Variants in SLC35F4 observed in about 807,000 individuals in gnomAD.
The protein encoded by SLC35F4 is chromosome 14 open reading frame 36.
In SLC35F4, 24 loss-of-function variants were observed where a neutral mutation model predicts 44.2. The observed-to-expected ratio is 0.54, with a 90% CI of 0.39 to 0.76. The LOEUF is 0.76. Among genes scored for constraint, SLC35F4 ranks in the 30% least tolerant of loss-of-function variants. SLC35F4 has a pLI of 0.00. For missense variants in SLC35F4, 562 were observed against 586.1 expected, an observed-to-expected ratio of 0.96 and a Z score of 0.42; for synonymous variants, 238 against 223.6, an observed-to-expected ratio of 1.06 and a Z score of -0.57.
chr14:57,634,536 A>G (rs563706308), intron 1 of SLC35F4, among the ~76,000 whole-genome samples: 165 of 152,214 alleles, frequency 1.1e-3, no homozygotes, highest in Non-Finnish European at 1.7e-3. Context: ...CAGCAGCACC[A>G]TTCATTGGAA....
At chr14:57,699,594 T>C (rs2075480036) in intron 1 of SLC35F4, among the ~76,000 whole-genome samples, 3 of 152,162 alleles carry the variant, frequency 2.0e-5, no homozygotes, top group Admixed American at 2.0e-4. Context: ...TTCCATAGGA[T>C]AAATTTAATC....
rs538194059 is a variant in SLC35F4 at position 57,700,470 on chromosome 14, C to T, written c.104-106346G>A. Among the ~76,000 whole-genome samples the T allele has an allele frequency of 2.9e-3, 434 of 152,238 alleles. 1 individual carries two copies. Among genetic ancestry groups the T allele is most frequent in the African/African-American group, 9.8e-3 (406 of 41,552 alleles). ...TTATAAACACTGTACATTTAAGCTACTCTACATTTATATTTTAAAAATTCT... is the reference window on the plus strand; with the variant it reads ...TTATAAACACTGTACATTTAAGCTATTCTACATTTATATTTTAAAAATTCT... On this transcript the variant is annotated intron_variant, in intron 1 of 7. Transcript: ENST00000556826.
At chr14:57,960,649 G>A (rs894405824) in intron 1 of SLC35F4, among the ~76,000 whole-genome samples, 2 of 152,150 alleles carry the variant, frequency 1.3e-5, no homozygotes, top group Admixed American at 6.6e-5. Context: ...TCTGGCAGGG[G>A]AAGTAACTTT....
intron 1 of SLC35F4, among the ~76,000 whole-genome samples, chr14:57,646,676 T>C (rs889189508): frequency 6.6e-6 from 1 of 152,220 alleles, no homozygotes; most frequent in African/African-American, 2.4e-5. Flanking sequence ...TTTGAATGTG[T>C]TTGCTCTTGC....
rs148593829 is a variant in SLC35F4 at position 57,710,400 on chromosome 14, C to T, written c.104-116276G>A. Among the ~76,000 whole-genome samples, 419 of 152,092 alleles carry T rather than the reference C, an allele frequency of 2.8e-3. 4 individuals are homozygous for T. Among genetic ancestry groups the T allele is most frequent in the African/African-American group, 9.1e-3 (378 of 41,490 alleles). ...GGGTGGAGCCATCATGGAGAACTTCCGCTAGGGCAGTGCAGAAGAGAAATG... is the reference window on the plus strand; with the variant it reads ...GGGTGGAGCCATCATGGAGAACTTCTGCTAGGGCAGTGCAGAAGAGAAATG... On this transcript the variant is annotated intron_variant, in intron 1 of 7. Transcript: ENST00000556826.
chr14:57,942,877 T>C (rs1239116458), intron 1 of SLC35F4, among the ~76,000 whole-genome samples: 2 of 152,192 alleles, frequency 1.3e-5, no homozygotes, highest in South Asian at 2.1e-4. Flanking sequence ...AGTGAGACGG[T>C]TGGGGTAATT....
In SLC35F4 at chr14:57,680,999, C is replaced by T. The variant is rs186234922; in HGVS notation, c.104-86875G>A. On this transcript the variant is annotated intron_variant, in intron 1 of 7. Coordinates refer to ENST00000556826, the MANE Select transcript of SLC35F4 (RefSeq NM_001306087.2). ...CCATCAAGCTACCATTGACTTTCTG[C>T]GAAGAATTGGAAAAAAACTACCTTT... Among the ~76,000 whole-genome samples the T allele has an allele frequency of 2.2e-4, 34 of 151,964 alleles. 1 individual carries two copies. Among genetic ancestry groups the T allele is most frequent in the African/African-American group, 5.3e-4 (22 of 41,362 alleles).
chr14:57,877,195 T>C (rs1371062872), intron 1 of SLC35F4, among the ~76,000 whole-genome samples: 1 of 152,198 alleles, frequency 6.6e-6, no homozygotes. Context: ...TTGTCTATTG[T>C]TCTCTTCTTT....
chr14:57,656,448 G>T (rs2073977161), intron 1 of SLC35F4, among the ~76,000 whole-genome samples: 1 of 151,240 alleles, frequency 6.6e-6, no homozygotes, highest in South Asian at 2.1e-4. Flanking sequence ...GTGCTCAGAG[G>T]ACATTAAAAC....
At chr14:57,924,691 C>T (rs1342410653) in intron 1 of SLC35F4, among the ~76,000 whole-genome samples, 1 of 152,112 alleles carries the variant, frequency 6.6e-6, no homozygotes, top group East Asian at 1.9e-4. Context: ...TTGAGATCTG[C>T]CCGCCTCAGC....
At chr14:57,859,292 CA>C in intron 1 of SLC35F4, among the ~76,000 whole-genome samples, 1 of 152,136 alleles carries the variant, frequency 6.6e-6, no homozygotes. Context: ...CAATATAGAC[CA>C]ACGAGATAAA....
chr14:57,673,187 C>A (rs1000469469), intron 1 of SLC35F4, among the ~76,000 whole-genome samples: 10 of 151,900 alleles, frequency 6.6e-5, no homozygotes, highest in African/African-American at 2.4e-4. Context: ...GAAGCATGAA[C>A]AACACAACTA....
chr14:57,576,860 T>G (rs1012221329), intron 4 of SLC35F4, among the ~76,000 whole-genome samples: 1 of 152,100 alleles, frequency 6.6e-6, no homozygotes, highest in Non-Finnish European at 1.5e-5. Context: ...GAGTGAAGGA[T>G]ATATGTGGAG....
chr14:57,773,448 A>G (rs1442840181), intron 1 of SLC35F4, among the ~76,000 whole-genome samples: 1 of 152,204 alleles, frequency 6.6e-6, no homozygotes. Flanking sequence ...TAAGTGTTAC[A>G]TTTAGTACGG....
chr14:57,798,714 T>C (rs145869905), intron 1 of SLC35F4, among the ~76,000 whole-genome samples: 77 of 152,336 alleles, frequency 5.1e-4, no homozygotes, highest in African/African-American at 1.7e-3. Flanking sequence ...CACATATCTG[T>C]TCTGTAATTA....
intron 1 of SLC35F4, among the ~76,000 whole-genome samples, chr14:57,614,806 T>C (rs1045166414): frequency 6.6e-6 from 1 of 152,178 alleles, no homozygotes; most frequent in Non-Finnish European, 1.5e-5. Flanking sequence ...AGATCAGCCA[T>C]GAAGATAGCT....
intron 1 of SLC35F4, among the ~76,000 whole-genome samples, chr14:57,877,373 T>G (rs77411270): frequency 6.6e-6 from 1 of 152,178 alleles, no homozygotes; most frequent in Middle Eastern, 3.2e-3. Flanking sequence ...ATGATACATG[T>G]GTACCACATT....
At chr14:57,863,106 A>T in intron 1 of SLC35F4, among the ~76,000 whole-genome samples, 1 of 152,234 alleles carries the variant, frequency 6.6e-6, no homozygotes, top group East Asian at 1.9e-4. Flanking sequence ...GCCTCAAGCA[A>T]TCCTCCTGCC....
At chr14:57,776,892 C>T (rs974842311) in intron 1 of SLC35F4, among the ~76,000 whole-genome samples, 9 of 152,068 alleles carry the variant, frequency 5.9e-5, no homozygotes, top group Non-Finnish European at 1.3e-4. Context: ...CCTTTTCAGA[C>T]AAGCAAATGC....
Sources: gnomAD v4.1 joint callset for allele counts (sites outside exome capture counted in the v4.1 genomes callset) on GRCh38, gnomAD v4.1.1 for gene constraint, MANE v1.5 for transcripts, NCBI Gene and HGNC (gene_info 2026-07-23, HGNC 2026-07-21) for gene names.